The following PRPF18 variants were observed in gnomAD, a reference collection of about 807,000 sequenced individuals.
PRPF18 encodes the protein pre-mRNA-splicing factor 18.
In PRPF18, 38 loss-of-function variants were observed where a neutral mutation model predicts 46.5. The ratio of observed to expected loss-of-function variants is 0.82; its 90% CI spans 0.63 to 1.07. The LOEUF (loss-of-function observed/expected upper bound fraction) is 1.07. Among genes scored for constraint, PRPF18 ranks in the 50% least tolerant of loss-of-function variants. The probability of loss-of-function intolerance (pLI) is 0.00; values close to 1 mark genes in which losing one functional copy is unlikely to be tolerated. For missense variants in PRPF18, 263 were observed against 410.0 expected, an observed-to-expected ratio of 0.64 and a Z score of 3.10; for synonymous variants, 152 against 146.7, an observed-to-expected ratio of 1.04 and a Z score of -0.26.
At chr10:13,615,425 A>C (rs1361776145) in intron 8 of PRPF18, among the ~76,000 whole-genome samples, 1 of 152,204 alleles carries the variant, frequency 6.6e-6, no homozygotes, top group African/African-American at 2.4e-5. Context: ...TACACATGAA[A>C]ATTAGTGATA....
At chr10:13,621,941 T>C (rs932883489) in intron 9 of PRPF18, among the ~76,000 whole-genome samples, 1 of 152,238 alleles carries the variant, frequency 6.6e-6, no homozygotes, top group Non-Finnish European at 1.5e-5. Flanking sequence ...TATCTGTCCA[T>C]GGAACATTTG....
chr10:13,621,591 CA>C (rs1168207805), intron 9 of PRPF18, among the ~76,000 whole-genome samples: 2 of 152,168 alleles, frequency 1.3e-5, no homozygotes, highest in Admixed American at 1.3e-4. Context: ...AAGTCCAGCC[CA>C]CTCCTTTGTA....
chr10:13,587,228 C>T (rs2079886730), intron 1 of PRPF18, 76 bp downstream of exon 1: 2 of 1,462,082 alleles, frequency 1.4e-6, no homozygotes, highest in Non-Finnish European at 1.9e-6. Flanking sequence ...GTGAGGGTGA[C>T]GATACTCAGA....
chr10:13,590,719 ATTG>A (rs2079949007), intron 1 of PRPF18, among the ~76,000 whole-genome samples: 1 of 152,082 alleles, frequency 6.6e-6, no homozygotes, highest in Admixed American at 6.6e-5. Flanking sequence ...ACAAGTTGCC[ATTG>A]TTCCCATTTA....
intron 6 of PRPF18, among the ~76,000 whole-genome samples, chr10:13,612,309 G>A (rs1486305108): frequency 6.6e-6 from 1 of 152,120 alleles, no homozygotes; most frequent in East Asian, 1.9e-4. Flanking sequence ...GTCTTGCTCT[G>A]TCGCCCAGGC....
intron 9 of PRPF18, among the ~76,000 whole-genome samples, chr10:13,629,772 G>T (rs186428862): frequency 6.6e-6 from 1 of 152,162 alleles, no homozygotes; most frequent in Non-Finnish European, 1.5e-5. Flanking sequence ...AATAATTGGA[G>T]TGTATTTTCT....
chr10:13,591,776 G>T, intron 1 of PRPF18: 2 of 1,405,836 alleles, frequency 1.4e-6, no homozygotes, highest in South Asian at 2.3e-5. Flanking sequence ...AGAGGAACTC[G>T]ATTGAGGACC....
In PRPF18 at chr10:13,587,283, C is replaced by A. The variant is rs149694046; in HGVS notation, c.66+131C>A. 2,423 of 919,108 alleles carry A rather than the reference C, an allele frequency of 2.6e-3. 1 individual carries two copies. Among genetic ancestry groups the A allele is most frequent in the Non-Finnish European group, 3.3e-3 (1,914 of 576,024 alleles). 56.9% of individuals were successfully genotyped at this position (919,108 alleles called of 1,614,324 possible). A position where few individuals can be genotyped will look rare whatever the true frequency, so the allele number is the denominator to read the frequency against. On this transcript the variant is annotated intron_variant, in intron 1 of 9. Coordinates refer to ENST00000378572, the MANE Select transcript of PRPF18 (RefSeq NM_003675.4). ...GGCTTAGCGAGTGTCCTGCCACTAC[C>A]CCTGGTAGGCCCCCTTAGATCCAAC...
At chr10:13,591,574 C>A (rs2079961857) in intron 1 of PRPF18, 2 of 706,904 alleles carry the variant, frequency 2.8e-6, no homozygotes. Context: ...CCACAGCTTT[C>A]TGATCAATCT....
At chr10:13,650,272 T>C in the PRPF18 span, among the ~76,000 whole-genome samples, 1 of 152,156 alleles carries the variant, frequency 6.6e-6, no homozygotes, top group Non-Finnish European at 1.5e-5. Flanking sequence ...CTGGGGTTGT[T>C]GAACAGTCCC....
intron 3 of PRPF18, 151 bp downstream of exon 3, chr10:13,600,499 A>C (rs1262064238): frequency 5.6e-6 from 3 of 536,572 alleles, no homozygotes; most frequent in African/African-American, 3.9e-5. Flanking sequence ...ATGAAGTTCT[A>C]AATTACTCAC....
chr10:13,642,834 A>C, the PRPF18 span: 1 of 152,034 alleles, frequency 6.6e-6, no homozygotes, highest in Non-Finnish European at 1.5e-5. Flanking sequence ...GAAGTAGAGA[A>C]CACTCTCTTG....
the PRPF18 span, among the ~76,000 whole-genome samples, chr10:13,650,276 C>A: frequency 6.6e-6 from 1 of 152,124 alleles, no homozygotes; most frequent in Non-Finnish European, 1.5e-5. Context: ...GGTTGTTGAA[C>A]AGTCCCACAG....
chr10:13,597,510 C>A lies in PRPF18; in HGVS notation c.119C>A (p.Ala40Glu). The A allele has an allele frequency of 1.2e-6, 2 of 1,610,182 alleles. No homozygotes were observed. Among genetic ancestry groups the A allele is most frequent in the Non-Finnish European group, 1.7e-6 (2 of 1,178,204 alleles). The change falls in exon 2 of 10, where the codon GCA (alanine) becomes GAA (glutamate). Residue 40 changes from alanine to glutamate, a missense_variant. Transcript: ENST00000378572. ...GAGCTCGCCAAAAAAGAAGAGGAAG[C>A]ATATTTTGAAAGATGTGGCTACAAG... ...RSELAKKEEE[A>E]YFERCGYKIQ...
At chr10:13,629,146 C>T (rs546813514) in intron 9 of PRPF18, among the ~76,000 whole-genome samples, 1 of 152,230 alleles carries the variant, frequency 6.6e-6, no homozygotes, top group South Asian at 2.1e-4. Context: ...GGAGAACTGG[C>T]CAAACTGCTG....
the PRPF18 span, chr10:13,651,318 G>T: frequency 6.6e-6 from 1 of 152,524 alleles, no homozygotes; most frequent in African/African-American, 2.4e-5. Context: ...GAGCCACTGA[G>T]TCGGCCCTTG....
intron 5 of PRPF18, among the ~76,000 whole-genome samples, chr10:13,610,652 G>A (rs935762400): frequency 1.7e-4 from 26 of 152,192 alleles, no homozygotes; most frequent in South Asian, 1.7e-3. Context: ...TTTGTTCTCC[G>A]GTAATGATGG....
Position 13,611,688 on chromosome 10 carries a change from G to A in PRPF18, c.579+5G>A, listed in dbSNP as rs371269110. 11 of 1,612,400 alleles carry A rather than the reference G, an allele frequency of 6.8e-6. No individual in the cohort carries two copies. Among genetic ancestry groups the A allele is most frequent in the African/African-American group, 5.3e-5 (4 of 74,858 alleles). On this transcript the variant is annotated splice_donor_5th_base_variant and intron_variant, in intron 6 of 9. Transcript: ENST00000378572. Reference sequence around the variant, plus strand: ...ATCATCACCAAATTCCTGAAGGTGCGTGTCTTAGGCGAGGGGATGAGGATG... The same window carrying A: ...ATCATCACCAAATTCCTGAAGGTGCATGTCTTAGGCGAGGGGATGAGGATG...
At chr10:13,594,525 T>C (rs2080007815) in intron 1 of PRPF18, among the ~76,000 whole-genome samples, 1 of 152,260 alleles carries the variant, frequency 6.6e-6, no homozygotes, top group South Asian at 2.1e-4. Flanking sequence ...TCTATTTTGC[T>C]CTTTGAATGG....
Sources: allele counts gnomAD v4.1 joint callset (sites outside exome capture counted in the v4.1 genomes callset), GRCh38; gene constraint gnomAD v4.1.1; transcripts MANE v1.5; gene names NCBI Gene and HGNC (gene_info 2026-07-23, HGNC 2026-07-21).